CRIM1: variants seen among roughly 807,000 people sequenced by gnomAD.
CRIM1 encodes cysteine-rich motor neuron 1 protein.
A neutral mutation model predicts 116.4 loss-of-function variants in CRIM1; 32 were observed. The observed-to-expected ratio is 0.27, with a 90% CI of 0.21 to 0.37. CRIM1 has a LOEUF of 0.37. Ranked by LOEUF, CRIM1 falls within the 10% of genes least tolerant of loss-of-function variation. The pLI is 1.00. For missense variants in CRIM1, 1,331 were observed against 1,354.8 expected, an observed-to-expected ratio of 0.98 and a Z score of 0.28; for synonymous variants, 590 against 509.2, an observed-to-expected ratio of 1.16 and a Z score of -2.13.
At chr2:36,379,318 C>G (rs1558516650) in intron 1 of CRIM1, 1 of 152,146 alleles carries the variant, frequency 6.6e-6, no homozygotes, top group Non-Finnish European at 1.5e-5. Context: ...TGTACAAATG[C>G]TTTCCTTCTT....
chr2:36,359,389 A>T lies in CRIM1; in HGVS notation c.331+2766A>T, dbSNP rs115370307. ...TTGCCAACTTGCAGTAATTTTTAGC[A>T]GTGTTTACTCTCATACTGGCTTTGT... On this transcript the variant is annotated intron_variant, in intron 1 of 16. Coordinates refer to ENST00000280527, the MANE Select transcript of CRIM1 (RefSeq NM_016441.3). Among the ~76,000 whole-genome samples the T allele has an allele frequency of 2.5e-3, 382 of 152,344 alleles. 3 individuals are homozygous for T. The highest frequency in any genetic ancestry group is 8.3e-3 in the African/African-American group (344 of 41,570).
At chr2:36,442,884 T>A in intron 4 of CRIM1, 149 bp downstream of exon 4, 1 of 900,332 alleles carries the variant, frequency 1.1e-6, no homozygotes, top group Non-Finnish European at 1.7e-6. Context: ...CATTACTTGG[T>A]ATTTATATGT....
chr2:36,438,172 A>G (rs996073659), intron 2 of CRIM1, among the ~76,000 whole-genome samples: 1 of 151,938 alleles, frequency 6.6e-6, no homozygotes, highest in African/African-American at 2.4e-5. Context: ...AACCAGTAAG[A>G]TCTAATATGT....
chr2:36,418,846 A>G (rs1222051330), intron 2 of CRIM1, among the ~76,000 whole-genome samples: 1 of 152,158 alleles, frequency 6.6e-6, no homozygotes, highest in Non-Finnish European at 1.5e-5. Flanking sequence ...CAAGTCATTT[A>G]ACCCCTAGGC....
At chr2:36,366,694 C>A (rs1028417310) in intron 1 of CRIM1, among the ~76,000 whole-genome samples, 2 of 152,214 alleles carry the variant, frequency 1.3e-5, no homozygotes, top group African/African-American at 2.4e-5. Flanking sequence ...CCTGAGACTG[C>A]AGAGTCCCAG....
intron 13 of CRIM1, chr2:36,532,010 G>T (rs1274291083): frequency 2.1e-6 from 1 of 470,556 alleles, no homozygotes; most frequent in Non-Finnish European, 4.4e-6. Flanking sequence ...TATTCTTGCA[G>T]AGACTTTGTT....
At chr2:36,530,410 G>C (rs1436612894) in intron 13 of CRIM1, among the ~76,000 whole-genome samples, 1 of 152,134 alleles carries the variant, frequency 6.6e-6, no homozygotes, top group African/African-American at 2.4e-5. Context: ...AGTGAAGCCA[G>C]TTTCTCAAAC....
chr2:36,444,476 T>C (rs2124946142), intron 4 of CRIM1, among the ~76,000 whole-genome samples: 1 of 152,318 alleles, frequency 6.6e-6, no homozygotes, highest in Non-Finnish European at 1.5e-5. Context: ...CTAGCTGCCT[T>C]CCATTTTATC....
At chr2:36,446,336 T>C (rs2124952130) in intron 4 of CRIM1, among the ~76,000 whole-genome samples, 1 of 152,332 alleles carries the variant, frequency 6.6e-6, no homozygotes. Context: ...ATGTTTTCAG[T>C]TGATTCATTC....
At chr2:36,378,934 T>G (rs1670526693) in intron 1 of CRIM1, 1 of 152,074 alleles carries the variant, frequency 6.6e-6, no homozygotes, top group South Asian at 2.1e-4. Flanking sequence ...TGTAAGTGCT[T>G]CTTCTCATTC....
chr2:36,371,368 T>C (rs1289053564), intron 1 of CRIM1, among the ~76,000 whole-genome samples: 1 of 152,198 alleles, frequency 6.6e-6, no homozygotes, highest in African/African-American at 2.4e-5. Context: ...TGTGATCTAT[T>C]TGAGTGCCAG....
At position 36,428,507 on chromosome 2, in the gene CRIM1, G is replaced by T. The variant is rs184989895; in HGVS notation, c.506-12751G>T. 2.6e-5 allele frequency among the ~76,000 whole-genome samples: 4 copies of T among 152,278 alleles called. No homozygotes were observed. In the East Asian group the frequency reaches 7.7e-4, roughly 29 times the overall value. On this transcript the variant is annotated intron_variant, in intron 2 of 16. Transcript: ENST00000280527. Reference sequence around the variant, plus strand: ...TATAGAATACTGTAGAAGAAGCCTGGGCTTTCTGCTTAAAGTTCATATATA... The same window carrying T: ...TATAGAATACTGTAGAAGAAGCCTGTGCTTTCTGCTTAAAGTTCATATATA...
At chr2:36,390,526 G>A (rs575335847) in intron 1 of CRIM1, among the ~76,000 whole-genome samples, 5 of 152,222 alleles carry the variant, frequency 3.3e-5, no homozygotes, top group East Asian at 1.9e-4. Context: ...GGTGTTACCA[G>A]AATTAAACAT....
chr2:36,367,311 A>G (rs772458029), intron 1 of CRIM1, among the ~76,000 whole-genome samples: 21 of 152,224 alleles, frequency 1.4e-4, no homozygotes, highest in South Asian at 2.1e-4. Context: ...GTATTTGTGT[A>G]TATCCTAGCT....
intron 1 of CRIM1, 76 bp from the exon 2 acceptor site, chr2:36,396,538 A>G: frequency 1.2e-6 from 1 of 858,862 alleles, no homozygotes; most frequent in South Asian, 2.5e-5. Flanking sequence ...TTGACATCCC[A>G]GTGCGTTTTT....
intron 6 of CRIM1, among the ~76,000 whole-genome samples, chr2:36,478,216 T>C (rs1679136566): frequency 6.6e-6 from 1 of 152,260 alleles, no homozygotes; most frequent in South Asian, 2.1e-4. Context: ...TTTTCCCTAC[T>C]AGAGGTTATT....
In CRIM1 at chr2:36,416,051, T is replaced by C. The variant is rs149442331; in HGVS notation, c.505+19264T>C. On this transcript the variant is annotated intron_variant, in intron 2 of 16. Transcript: ENST00000280527. Reference sequence around the variant, plus strand: ...GGTGAAACCCTGTCTCTACTAAAAATATAAAAATTAGCTTGGCATGGTAGG... The same window carrying C: ...GGTGAAACCCTGTCTCTACTAAAAACATAAAAATTAGCTTGGCATGGTAGG... 5.4e-3 allele frequency among the ~76,000 whole-genome samples: 815 copies of C among 152,098 alleles called. 8 individuals carry two copies. The highest frequency in any genetic ancestry group is 0.018 in the African/African-American group (730 of 41,490).
intron 2 of CRIM1, among the ~76,000 whole-genome samples, chr2:36,418,985 C>T (rs1039958985): frequency 2.6e-5 from 4 of 152,218 alleles, no homozygotes; most frequent in African/African-American, 7.2e-5. Flanking sequence ...CCTCCCACTG[C>T]CTTCCCCACT....
rs142172217 is a variant in CRIM1, at chr2:36,415,092, C to A, written c.505+18305C>A. ...TGCTAGCAGAGGAGTTGGATAGATT[C>A]TCTGTTCCATTTGGAAATACAGTTA... On this transcript the variant is annotated intron_variant, in intron 2 of 16. Transcript: ENST00000280527. Among the ~76,000 whole-genome samples, 990 of 152,062 alleles carry A rather than the reference C, an allele frequency of 6.5e-3. 10 individuals carry two copies. Among genetic ancestry groups the A allele is most frequent in the African/African-American group, 0.023 (939 of 41,458 alleles).
Sources: allele counts gnomAD v4.1 joint callset (sites outside exome capture counted in the v4.1 genomes callset), GRCh38; gene constraint gnomAD v4.1.1; transcripts MANE v1.5; gene names NCBI Gene and HGNC (gene_info 2026-07-23, HGNC 2026-07-21).